SCFD1: variants seen among roughly 807,000 people sequenced by gnomAD.
SCFD1 encodes the protein sec1 family domain containing 1.
SCFD1 carries 37 observed loss-of-function variants against 103.2 expected under a neutral mutation model. The ratio of observed to expected loss-of-function variants is 0.36; its 90% CI spans 0.28 to 0.47. The LOEUF is 0.47. Ranked by LOEUF, SCFD1 falls within the 20% of genes least tolerant of loss-of-function variation. The pLI is 1.00. For missense variants in SCFD1, 639 were observed against 761.2 expected (o/e 0.84, Z 1.89); for synonymous variants, 264 against 245.0 (o/e 1.08, Z -0.73).
At chr14:30,639,979 G>A in intron 6 of SCFD1, 115 bp downstream of exon 6, 1 of 1,182,062 alleles carries the variant, frequency 8.5e-7, no homozygotes, top group Non-Finnish European at 1.1e-6. Flanking sequence ...CAGCAGTAGA[G>A]CTATAGAAGC....
chr14:30,729,382 AT>A, intron 23 of SCFD1, among the ~76,000 whole-genome samples: 1 of 152,302 alleles, frequency 6.6e-6, no homozygotes, highest in South Asian at 2.1e-4. Context: ...ATTTTAAAAT[AT>A]GGTATGAAGA....
At chr14:30,731,505 G>C (rs1286550732) in intron 23 of SCFD1, among the ~76,000 whole-genome samples, 1 of 152,138 alleles carries the variant, frequency 6.6e-6, no homozygotes, top group Non-Finnish European at 1.5e-5. Flanking sequence ...TCTTCCATTT[G>C]TTTGTGTCCT....
chr14:30,625,584 A>T lies in SCFD1; in HGVS notation c.62-2625A>T, dbSNP rs181636452. Among the ~76,000 whole-genome samples, 513 of 103,138 alleles carry T rather than the reference A, an allele frequency of 5.0e-3. 6 individuals are homozygous for T. The highest frequency in any genetic ancestry group is 0.025 in the African/African-American group (481 of 19,316). 67.7% of individuals were successfully genotyped at this position (103,138 alleles called of 152,430 possible). A position where few individuals can be genotyped will look rare whatever the true frequency, so the allele number is the denominator to read the frequency against. On this transcript the variant is annotated intron_variant, in intron 1 of 24. Transcript: ENST00000458591. ...CTGAACACAGGCCGTGTACTCCATTAACAAATCCTTTTTGTTATAGGTATA... is the reference window on the plus strand; with the variant it reads ...CTGAACACAGGCCGTGTACTCCATTTACAAATCCTTTTTGTTATAGGTATA...
At chr14:30,667,979 A>T (rs1888167249) in intron 10 of SCFD1, among the ~76,000 whole-genome samples, 1 of 152,232 alleles carries the variant, frequency 6.6e-6, no homozygotes, top group Non-Finnish European at 1.5e-5. Flanking sequence ...CATACTGCCC[A>T]AGGTAATTTA....
chr14:30,727,291 A>G (rs1007233102), intron 23 of SCFD1, among the ~76,000 whole-genome samples: 2 of 152,232 alleles, frequency 1.3e-5, no homozygotes, highest in Non-Finnish European at 1.5e-5. Context: ...TTTAATAGTT[A>G]CGTGGTGGTC....
chr14:30,652,504 G>A (rs886139983), intron 9 of SCFD1: 20 of 151,884 alleles, frequency 1.3e-4, no homozygotes, highest in African/African-American at 2.7e-4. Flanking sequence ...TTGAGTTTGT[G>A]TTTATAGGAA....
At chr14:30,635,925 C>T (rs199948756) in intron 4 of SCFD1, among the ~76,000 whole-genome samples, 5 of 151,954 alleles carry the variant, frequency 3.3e-5, no homozygotes, top group Non-Finnish European at 5.9e-5. Context: ...ACTTACTATC[C>T]GATATTTTTA....
chr14:30,701,108 C>T (rs762322667), intron 16 of SCFD1, among the ~76,000 whole-genome samples: 1 of 152,152 alleles, frequency 6.6e-6, no homozygotes, highest in Non-Finnish European at 1.5e-5. Flanking sequence ...AAGCTCCATT[C>T]CTTTGCTGGT....
chr14:30,676,049 G>A (rs1184913140), intron 14 of SCFD1: 2 of 152,132 alleles, frequency 1.3e-5, no homozygotes, highest in Non-Finnish European at 2.9e-5. Flanking sequence ...ACTTCTATAT[G>A]TAGTGTCTCT....
At chr14:30,670,180 A>T in intron 10 of SCFD1, 76 bp from the exon 11 acceptor site, 1 of 1,207,276 alleles carries the variant, frequency 8.3e-7, no homozygotes, top group Non-Finnish European at 1.2e-6. Flanking sequence ...CCTTGGAAAC[A>T]TTAGAAAGGG....
chr14:30,647,795 C>T (rs1034727730), intron 7 of SCFD1, among the ~76,000 whole-genome samples: 2 of 152,076 alleles, frequency 1.3e-5, no homozygotes, highest in African/African-American at 4.8e-5. Flanking sequence ...GGATTATAGG[C>T]ATGCTCTACC....
At chr14:30,650,138 C>T (rs1305827114) in intron 8 of SCFD1, among the ~76,000 whole-genome samples, 2 of 152,014 alleles carry the variant, frequency 1.3e-5, no homozygotes, top group African/African-American at 4.8e-5. Context: ...GGAAGACTGC[C>T]TTCTTTCATA....
At position 30,681,665 on chromosome 14, in the gene SCFD1, AAGAG is replaced by A. The variant is rs761951227; in HGVS notation, c.1242+6606_1242+6609del. ...GAATTTTCTCACAGCCAAGATAAAA[AAGAG>A]AGAGATGATTAAGATAAAAAAACCT... On this transcript the variant is annotated intron_variant, in intron 14 of 24. Transcript: ENST00000458591. Among the ~76,000 whole-genome samples the A allele has an allele frequency of 2.7e-5, 4 of 148,958 alleles. No homozygotes were observed. In the South Asian group the frequency reaches 8.9e-4, roughly 33 times the overall value.
Position 30,622,365 on chromosome 14 carries a change from A to T in SCFD1, c.27A>T (p.Ala9=). The stretch of plus-strand genomic sequence containing the variant: ...TGGCGGCGGCGGCGGCAGCGACAGC[A>T]GCAGCAGCAGCCAGTATTCGGGAAA... MAAAAAAT[A]AAAASIRERQ... is the part of the protein sequence containing the mutation. Residue 9 remains alanine (A), a synonymous_variant, in exon 1 of 25, where the codon GCA becomes GCT. Coordinates refer to ENST00000458591, the MANE Select transcript of SCFD1 (RefSeq NM_016106.4). 6.4e-7 allele frequency: 1 copy of T among 1,561,968 alleles called. No individual in the cohort carries two copies.
chr14:30,682,788 T>A (rs1007531298), intron 14 of SCFD1, among the ~76,000 whole-genome samples: 1 of 152,166 alleles, frequency 6.6e-6, no homozygotes. Flanking sequence ...ATAAACAGTC[T>A]TCAGCTTAGG....
At chr14:30,656,635 T>G (rs1025521911) in intron 10 of SCFD1, among the ~76,000 whole-genome samples, 2 of 152,080 alleles carry the variant, frequency 1.3e-5, no homozygotes, top group Non-Finnish European at 2.9e-5. Context: ...AACATGAGTT[T>G]CAAAGCTAGT....
intron 1 of SCFD1, among the ~76,000 whole-genome samples, chr14:30,624,057 G>A (rs1050321036): frequency 6.6e-6 from 1 of 152,122 alleles, no homozygotes; most frequent in African/African-American, 2.4e-5. Context: ...GTAAGATAGA[G>A]GTAAACTAAC....
intron 13 of SCFD1, among the ~76,000 whole-genome samples, chr14:30,674,659 G>T (rs1833485686): frequency 6.6e-6 from 1 of 151,726 alleles, no homozygotes; most frequent in African/African-American, 2.4e-5. Context: ...AAAGAAGGAG[G>T]GAGGAAATGT....
At chr14:30,674,054 T>G in intron 13 of SCFD1, 57 bp downstream of exon 13, 1 of 1,259,488 alleles carries the variant, frequency 7.9e-7, no homozygotes, top group Non-Finnish European at 1.1e-6. Context: ...TTTTTTTTTA[T>G]TTAACTAAAA....
Sources: gnomAD v4.1 joint callset for allele counts (sites outside exome capture counted in the v4.1 genomes callset) on GRCh38, gnomAD v4.1.1 for gene constraint, MANE v1.5 for transcripts, NCBI Gene and HGNC (gene_info 2026-07-23, HGNC 2026-07-21) for gene names.